The following CCDC171 variants were observed in gnomAD, a reference collection of about 807,000 sequenced individuals.
The protein encoded by CCDC171 is coiled-coil domain-containing protein 171.
A neutral mutation model predicts 168.2 loss-of-function variants in CCDC171; 177 were observed. The ratio of observed to expected loss-of-function variants is 1.05; its 90% CI spans 0.93 to 1.19. The LOEUF (loss-of-function observed/expected upper bound fraction) is 1.19, where lower values mean the gene tolerates loss of function less well. Among genes scored for constraint, CCDC171 ranks in the 50% most tolerant of loss-of-function variants. The pLI is 0.00. For synonymous variants in CCDC171, 687 were observed against 540.8 expected (o/e 1.27, Z -3.75); for missense variants, 1,991 against 1,539.0 (o/e 1.29, Z -4.91).
intron 18 of CCDC171, among the ~76,000 whole-genome samples, chr9:15,762,889 C>T (rs1251378504): frequency 6.6e-6 from 1 of 152,106 alleles, no homozygotes; most frequent in Non-Finnish European, 1.5e-5. Flanking sequence ...AAAATGGAGT[C>T]ATACAGTGCA....
chr9:15,729,462 A>T, intron 15 of CCDC171, 148 bp from the exon 16 acceptor site: 1 of 480,462 alleles, frequency 2.1e-6, no homozygotes, highest in Non-Finnish European at 3.5e-6. Context: ...CTTTTTTTAA[A>T]TTTCTTTATT....
At chr9:15,677,266 A>G (rs973070843) in intron 9 of CCDC171, among the ~76,000 whole-genome samples, 1 of 152,144 alleles carries the variant, frequency 6.6e-6, no homozygotes, top group Non-Finnish European at 1.5e-5. Flanking sequence ...AGAGATTTAC[A>G]TAAATGTAGC....
intron 16 of CCDC171, among the ~76,000 whole-genome samples, chr9:15,739,172 G>C (rs1305602990): frequency 6.6e-6 from 1 of 152,188 alleles, no homozygotes; most frequent in Non-Finnish European, 1.5e-5. Flanking sequence ...ATAGTAAAAT[G>C]AGTCATAGAA....
At chr9:16,033,436 G>A (rs1486939361) in intron 6 of CCDC171, among the ~76,000 whole-genome samples, 1 of 152,190 alleles carries the variant, frequency 6.6e-6, no homozygotes, top group Non-Finnish European at 1.5e-5. Context: ...CGCAAGCCCT[G>A]TTGTAAACCG....
At chr9:15,729,875 C>T in intron 16 of CCDC171, 77 bp downstream of exon 16, 1 of 1,154,338 alleles carries the variant, frequency 8.7e-7, no homozygotes, top group Non-Finnish European at 1.2e-6. Context: ...TTTTCAGTAG[C>T]AGTGCTAAAT....
the CCDC171 span, among the ~76,000 whole-genome samples, chr9:16,085,430 AAG>A: frequency 6.6e-6 from 1 of 152,196 alleles, no homozygotes; most frequent in Non-Finnish European, 1.5e-5. Flanking sequence ...CTGTAATTTC[AAG>A]AGTCTGTAGG....
At chr9:15,981,464 T>G (rs73413909) in intron 3 of CCDC171, among the ~76,000 whole-genome samples, 2,863 of 152,286 alleles carry the variant, frequency 0.019, 104 homozygotes, top group African/African-American at 0.066. Context: ...GTCTGTGGTA[T>G]TTTGTTATAG....
At chr9:15,835,181 C>G (rs1368528515) in intron 21 of CCDC171, among the ~76,000 whole-genome samples, 4 of 152,058 alleles carry the variant, frequency 2.6e-5, no homozygotes, top group South Asian at 2.1e-4. Flanking sequence ...TATTTATTCC[C>G]TAGAGGGAAA....
At chr9:15,689,919 T>G (rs2050670817) in intron 10 of CCDC171, among the ~76,000 whole-genome samples, 1 of 152,164 alleles carries the variant, frequency 6.6e-6, no homozygotes, top group African/African-American at 2.4e-5. Context: ...TAGTTGATTT[T>G]CAAAAAGGGT....
chr9:16,022,320 T>A (rs1383304249), intron 4 of CCDC171: 1 of 152,262 alleles, frequency 6.6e-6, no homozygotes, highest in East Asian at 1.9e-4. Context: ...TCTTCTTTCC[T>A]TCACAAAACA....
intron 21 of CCDC171, among the ~76,000 whole-genome samples, chr9:15,815,000 A>T (rs1159080056): frequency 6.6e-6 from 1 of 152,218 alleles, no homozygotes; most frequent in African/African-American, 2.4e-5. Flanking sequence ...TCCATGAAAA[A>T]TCTTAGACAT....
chr9:15,638,200 G>A (rs1374693178), intron 7 of CCDC171, among the ~76,000 whole-genome samples: 1 of 152,082 alleles, frequency 6.6e-6, no homozygotes, highest in Non-Finnish European at 1.5e-5. Context: ...TTTACAAGTG[G>A]AGAGCTTTAG....
intron 7 of CCDC171, among the ~76,000 whole-genome samples, chr9:15,628,561 G>A (rs867696011): frequency 2.0e-4 from 31 of 152,234 alleles, no homozygotes; most frequent in Admixed American, 7.2e-4. Flanking sequence ...ACAGCTCAAG[G>A]AGGCCTGCCT....
chr9:16,001,213 G>A (rs547086293), intron 3 of CCDC171, among the ~76,000 whole-genome samples: 1 of 152,244 alleles, frequency 6.6e-6, no homozygotes, highest in South Asian at 2.1e-4. Flanking sequence ...ATGCTGCCCA[G>A]TTTCTCAAAG....
At chr9:16,079,613 C>A in the CCDC171 span, among the ~76,000 whole-genome samples, 1 of 152,178 alleles carries the variant, frequency 6.6e-6, no homozygotes, top group Non-Finnish European at 1.5e-5. Flanking sequence ...GGCCTGGAGC[C>A]GATTCTTTCT....
intron 21 of CCDC171, among the ~76,000 whole-genome samples, chr9:15,824,207 G>C (rs1343390980): frequency 6.6e-6 from 1 of 151,710 alleles, no homozygotes; most frequent in African/African-American, 2.4e-5. Flanking sequence ...CACATACTCA[G>C]TATATGTATA....
At chr9:15,716,613 C>A (rs1210527367) in intron 11 of CCDC171, among the ~76,000 whole-genome samples, 1 of 152,114 alleles carries the variant, frequency 6.6e-6, no homozygotes, top group Admixed American at 6.6e-5. Flanking sequence ...AGATTTATTT[C>A]TTACAGTTCT....
At chr9:15,996,144 TTTCTC>T (rs1832363047) in intron 3 of CCDC171, among the ~76,000 whole-genome samples, 1 of 152,216 alleles carries the variant, frequency 6.6e-6, no homozygotes, top group Non-Finnish European at 1.5e-5. Context: ...TCTTATTACT[TTTCTC>T]TTTTTCTTTT....
intron 2 of CCDC171, among the ~76,000 whole-genome samples, chr9:15,566,029 A>G (rs80294676): frequency 1.4e-4 from 22 of 152,110 alleles, no homozygotes; most frequent in Admixed American, 1.3e-3. Context: ...GTTTTTATCT[A>G]TTTCAATTTA....
Sources: gnomAD v4.1 joint callset for allele counts (sites outside exome capture counted in the v4.1 genomes callset) on GRCh38, gnomAD v4.1.1 for gene constraint, MANE v1.5 for transcripts, NCBI Gene and HGNC (gene_info 2026-07-23, HGNC 2026-07-21) for gene names.